SECISBP2: variants seen among roughly 807,000 people sequenced by gnomAD.
SECISBP2 encodes selenocysteine insertion sequence-binding protein 2.
A neutral mutation model predicts 98.2 loss-of-function variants in SECISBP2; 96 were observed. The observed-to-expected ratio is 0.98, with a 90% CI of 0.83 to 1.16. The LOEUF is 1.16. SECISBP2 is among the 50% of genes most tolerant of loss of function. The pLI is 0.00. For synonymous variants in SECISBP2, 407 were observed against 370.2 expected, an observed-to-expected ratio of 1.10 and a Z score of -1.14; for missense variants, 1,046 against 1,022.9, an observed-to-expected ratio of 1.02 and a Z score of -0.31.
rs1033843905 is a variant in SECISBP2, at chr9:89,359,156, A to G, written c.*332A>G. ...AAGGAAACTTCCTCTCCATTGCAGA[A>G]TAGCTGAGCCAAGTGAGTGAGTTTG... On this transcript the variant is annotated 3_prime_UTR_variant, in exon 17 of 17. Transcript: ENST00000375807. The G allele has an allele frequency of 8.3e-5, 29 of 350,346 alleles. No homozygotes were observed. The Admixed American group carries it at 1.2e-3, about 15-fold the overall frequency. 21.7% of individuals were successfully genotyped at this position (350,346 alleles called of 1,614,324 possible).
At chr9:89,337,060 C>T (rs976523484) in intron 7 of SECISBP2, among the ~76,000 whole-genome samples, 1 of 152,152 alleles carries the variant, frequency 6.6e-6, no homozygotes, top group African/African-American at 2.4e-5. Flanking sequence ...AGGCCTATGC[C>T]GCTGCACCTG....
intron 8 of SECISBP2, among the ~76,000 whole-genome samples, chr9:89,338,963 T>A (rs112705193): frequency 6.6e-6 from 1 of 152,118 alleles, no homozygotes; most frequent in Non-Finnish European, 1.5e-5. Flanking sequence ...TATTATAAAG[T>A]GCTTCATTAT....
At position 89,333,921 on chromosome 9, in the gene SECISBP2, A is replaced by G; in HGVS notation, c.881-601A>G. 2.3e-5 allele frequency: 12 copies of G among 524,352 alleles called. No individual in the cohort carries two copies. The South Asian group carries it at 2.4e-4, about 11-fold the overall frequency. The allele number at this position is 524,352 out of a possible 1,614,324, so 32.5% of individuals were successfully genotyped here. A position where few individuals can be genotyped will look rare whatever the true frequency, so the allele number is the denominator to read the frequency against. On this transcript the variant is annotated intron_variant, in intron 6 of 16. Coordinates refer to ENST00000375807, the MANE Select transcript of SECISBP2 (RefSeq NM_024077.5). ...CTGCTCTGAGGATGTGTAGTTCTCT[A>G]GTGAGGGGAACAGTCTGTTTTACCC...
At chr9:89,358,279 A>C (rs779340916) in intron 16 of SECISBP2, 88 bp downstream of exon 16, 1 of 1,341,362 alleles carries the variant, frequency 7.5e-7, no homozygotes, top group Admixed American at 2.0e-5. Flanking sequence ...CAGCTTGACA[A>C]TGCTGCAAGA....
intron 5 of SECISBP2, among the ~76,000 whole-genome samples, chr9:89,331,357 G>A (rs1827722790): frequency 6.6e-6 from 1 of 152,072 alleles, no homozygotes; most frequent in Admixed American, 6.5e-5. Flanking sequence ...GCCTTGGTGA[G>A]CATAAAAGTT....
downstream of SECISBP2, chr9:89,364,275 C>T (rs1035683171): frequency 1.2e-5 from 5 of 412,306 alleles, no homozygotes; most frequent in African/African-American, 8.1e-5. Context: ...GGCCTTGGAA[C>T]AGCATCCCAC....
At position 89,338,443 on chromosome 9, in the gene SECISBP2, G is replaced by T. The variant is rs1554720974; in HGVS notation, c.1090-15G>T. On this transcript the variant is annotated splice_polypyrimidine_tract_variant and intron_variant, in intron 7 of 16. Coordinates refer to ENST00000375807, the MANE Select transcript of SECISBP2 (RefSeq NM_024077.5). ...CCCTAAAAACAGGATTTTTTGCTTT[G>T]ATTTTCTGTTCTAGTCTAAAGCATC... 1 of 1,611,570 alleles carries T rather than the reference G, an allele frequency of 6.2e-7. No homozygotes were observed. Among genetic ancestry groups the T allele is most frequent in the South Asian group, 1.1e-5 (1 of 90,388 alleles).
At chr9:89,364,627 A>G (rs1397521609), downstream of SECISBP2, 1 of 155,946 alleles carries the variant, frequency 6.4e-6, no homozygotes, top group Non-Finnish European at 1.4e-5. Flanking sequence ...TTCTGCCGCA[A>G]ACCTCTGTTG....
At chr9:89,332,311 T>C (rs1022705124) in intron 5 of SECISBP2, among the ~76,000 whole-genome samples, 23 of 152,298 alleles carry the variant, frequency 1.5e-4, no homozygotes, top group African/African-American at 5.5e-4. Flanking sequence ...ATGACCTGCA[T>C]TGACATGTCA....
chr9:89,319,902 A>G lies in SECISBP2; in HGVS notation c.182+105A>G, dbSNP rs1322295825. On this transcript the variant is annotated intron_variant, in intron 2 of 16. Transcript: ENST00000375807. ...TTACTGCACTAAAGTTCTGCAGATG[A>G]TGAGAGAATGCTCTTCAACCAAGAA... 4 of 1,183,528 alleles carry G rather than the reference A, an allele frequency of 3.4e-6. No individual in the cohort carries two copies. The African/African-American group carries it at 6.0e-5, about 18-fold the overall frequency. 73.3% of individuals were successfully genotyped at this position (1,183,528 alleles called of 1,614,324 possible). A position where few individuals can be genotyped will look rare whatever the true frequency, so the allele number is the denominator to read the frequency against.
downstream of SECISBP2, chr9:89,361,897 A>G (rs1832790779): frequency 6.1e-6 from 1 of 163,182 alleles, no homozygotes; most frequent in African/African-American, 2.4e-5. Flanking sequence ...TCCTTGGCTA[A>G]GTCTGCAGGG....
In SECISBP2 at chr9:89,318,606, A is replaced by G; in HGVS notation, c.30A>G (p.Glu10=). Residue 10 remains glutamate, a synonymous_variant, in exon 1 of 17, where the codon GAA becomes GAG. Coordinates refer to ENST00000375807, the MANE Select transcript of SECISBP2 (RefSeq NM_024077.5). The part of the protein sequence containing the change: MASEGPREP[E]SEGIKLSADV... ...CGTCGGAGGGGCCGCGGGAGCCCGA[A>G]AGCGAGGTAAGGGCCGACGGGGGCT... 1 of 1,457,140 alleles carries G rather than the reference A, an allele frequency of 6.9e-7. No homozygotes were observed. The highest frequency in any genetic ancestry group is 1.3e-5 in the South Asian group (1 of 74,474). 90.3% of individuals were successfully genotyped at this position (1,457,140 alleles called of 1,614,324 possible). A position where few individuals can be genotyped will look rare whatever the true frequency, so the allele number is the denominator to read the frequency against.
chr9:89,347,020 A>G lies in SECISBP2; in HGVS notation c.1574A>G (p.Lys525Arg). 6.2e-7 allele frequency: 1 copy of G among 1,614,196 alleles called. No homozygotes were observed. The highest frequency in any genetic ancestry group is 8.5e-7 in the Non-Finnish European group (1 of 1,180,014). The change falls in exon 11 of 17, where the codon AAG becomes AGG. Residue 525 changes from lysine (K) to arginine (R), a missense_variant. Transcript: ENST00000375807. ...MKKGKQREIP[K>R]AKKPTSLKKI... ...AAAGGGAAGCAGAGGGAGATCCCCA[A>G]GGCCAAGAAGCCAACCTCACTGAAG... is the stretch of plus-strand genomic sequence containing the variant.
At chr9:89,319,920 A>G in intron 2 of SECISBP2, 123 bp downstream of exon 2, 7 of 1,048,480 alleles carry the variant, frequency 6.7e-6, no homozygotes, top group South Asian at 2.6e-5. Flanking sequence ...ATGCTCTTCA[A>G]CCAAGAAGAG....
At position 89,328,955 on chromosome 9, in the gene SECISBP2, C is replaced by T. The variant is rs1827252523; in HGVS notation, c.801+69C>T. The T allele has an allele frequency of 7.8e-6, 10 of 1,276,730 alleles. No homozygotes were observed. The South Asian group carries it at 1.3e-4, about 16-fold the overall frequency. The allele number at this position is 1,276,730 out of a possible 1,614,324, so 79.1% of individuals were successfully genotyped here. ...TTAAATTGTCTCATTTCAAACATTA[C>T]ACATTAAATCTTGCTGTGGGCTTTG... On this transcript the variant is annotated intron_variant, in intron 5 of 16. Coordinates refer to ENST00000375807, the MANE Select transcript of SECISBP2 (RefSeq NM_024077.5).
rs921689533 is a variant in SECISBP2, at chr9:89,334,065, T to C, written c.881-457T>C. ...TAAAGGAGTAGTGTTGCTGTACTTA[T>C]GCCTCTGTTCTAAAAGAAATAAATT... is the stretch of plus-strand genomic sequence containing the variant. On this transcript the variant is annotated intron_variant, in intron 6 of 16. Coordinates refer to ENST00000375807, the MANE Select transcript of SECISBP2 (RefSeq NM_024077.5). The C allele has an allele frequency of 4.3e-5, 48 of 1,108,368 alleles. No homozygotes were observed. In the Admixed American group the frequency reaches 1.2e-3, roughly 27 times the overall value. 68.7% of individuals were successfully genotyped at this position (1,108,368 alleles called of 1,614,324 possible).
chr9:89,355,414 T>G, intron 14 of SECISBP2: 2 of 984,224 alleles, frequency 2.0e-6, no homozygotes, highest in Non-Finnish European at 2.4e-6. Flanking sequence ...TATTAGCAGT[T>G]TTCTTATGAG....
downstream of SECISBP2, chr9:89,363,719 A>G: frequency 6.2e-7 from 1 of 1,607,906 alleles, no homozygotes; most frequent in Non-Finnish European, 8.5e-7. Context: ...AAAGGGTAAC[A>G]GTGGGCATGG....
chr9:89,358,478 C>T (rs962914749), intron 16 of SECISBP2, among the ~76,000 whole-genome samples: 4 of 152,118 alleles, frequency 2.6e-5, no homozygotes, highest in Non-Finnish European at 4.4e-5. Flanking sequence ...CAGTCCTCTC[C>T]TAGCCTACCT....
Sources: gnomAD v4.1 joint callset for allele counts (sites outside exome capture counted in the v4.1 genomes callset) on GRCh38, gnomAD v4.1.1 for gene constraint, MANE v1.5 for transcripts, NCBI Gene and HGNC (gene_info 2026-07-23, HGNC 2026-07-21) for gene names.